The following ITGA7 variants were observed in gnomAD, a reference collection of about 807,000 sequenced individuals.
ITGA7 encodes integrin subunit alpha 7.
ITGA7 carries 84 observed loss-of-function variants against 131.6 expected under a neutral mutation model. The ratio of observed to expected loss-of-function variants is 0.64; its 90% CI spans 0.54 to 0.77. The LOEUF is 0.77. ITGA7 is among the 30% of genes least tolerant of loss of function. The pLI is 0.00. For missense variants in ITGA7, 1,399 were observed against 1,482.9 expected, an observed-to-expected ratio of 0.94 and a Z score of 0.93; for synonymous variants, 548 against 600.7, an observed-to-expected ratio of 0.91 and a Z score of 1.28.
intron 22 of ITGA7, among the ~76,000 whole-genome samples, chr12:55,688,558 C>G (rs145693300): frequency 3.5e-4 from 53 of 152,144 alleles, no homozygotes; most frequent in Middle Eastern, 3.4e-3. Flanking sequence ...AACCCCGTCT[C>G]TATGAAAAAT....
At chr12:55,716,178 G>T (rs375543154), upstream of ITGA7, 8 of 1,611,466 alleles carry the variant, frequency 5.0e-6, no homozygotes, top group Admixed American at 1.7e-5. Flanking sequence ...CAAGCAGAAT[G>T]AACGCAAGGA....
At chr12:55,687,486 G>A (rs1870457416) in intron 24 of ITGA7, among the ~76,000 whole-genome samples, 1 of 123,774 alleles carries the variant, frequency 8.1e-6, no homozygotes, top group Non-Finnish European at 1.6e-5. Flanking sequence ...ACCATGCCCG[G>A]CTTTTTTTTT....
At chr12:55,689,090 A>T (rs1291361454) in intron 21 of ITGA7, 133 bp from the exon 22 acceptor site, 1 of 682,142 alleles carries the variant, frequency 1.5e-6, no homozygotes, top group Non-Finnish European at 2.6e-6. Context: ...CTTATATCCA[A>T]AATAGCTGCC....
upstream of ITGA7, chr12:55,707,908 G>T: frequency 1.4e-6 from 2 of 1,392,922 alleles, no homozygotes; most frequent in Non-Finnish European, 1.8e-6. Context: ...CGCCCACTCC[G>T]GCTCCCGCCT....
At chr12:55,700,864 T>C (rs1156710073) in intron 4 of ITGA7, 35 bp downstream of exon 4, 4 of 1,614,078 alleles carry the variant, frequency 2.5e-6, no homozygotes, top group Non-Finnish European at 2.5e-6. Context: ...GAGGAGGTTT[T>C]GGTCCCCTTC....
chr12:55,694,900 T>C lies in ITGA7; in HGVS notation c.2074A>G (p.Thr692Ala), dbSNP rs1261899350. 6.2e-7 allele frequency: 1 copy of C among 1,613,992 alleles called. No individual in the cohort carries two copies. The highest frequency in any genetic ancestry group is 1.7e-5 in the Admixed American group (1 of 60,002). ...QPVIGLELMV[T>A]NLPSDPAQPQ... Reference sequence around the variant, plus strand: ...TGGGCTGGGTCCGATGGCAGGTTGGTGACCATCAGCTCCAGGCCAATGACT... The same window carrying C: ...TGGGCTGGGTCCGATGGCAGGTTGGCGACCATCAGCTCCAGGCCAATGACT... Residue 692 changes from threonine (T) to alanine (A), a missense_variant, in exon 15 of 25, where the codon ACC becomes GCC. By Grantham distance (58) the Thr-to-Ala change is moderately conservative (BLOSUM62 0). Coordinates refer to ENST00000257879, the MANE Select transcript of ITGA7 (RefSeq NM_002206.3). This position sits in a 1 kb window ranked among gnomAD's most constrained non-coding sequence, Gnocchi z 5.3.
chr12:55,696,295 G>T lies in ITGA7; in HGVS notation c.1875C>A (p.Thr625=). ...AACCCATGCTCACCTCTGCCCGCTG[G>T]GTGCTGGGCTGGTGGGCATTGAGGA... ...APILNAHQPS[T]QRAEIHFLKQ... Residue 625 remains threonine, a synonymous_variant, in exon 13 of 25, where the codon ACC becomes ACA. Coordinates refer to ENST00000257879, the MANE Select transcript of ITGA7 (RefSeq NM_002206.3). 1.3e-6 allele frequency: 2 copies of T among 1,575,964 alleles called. No homozygotes were observed. Among genetic ancestry groups the T allele is most frequent in the South Asian group, 1.2e-5 (1 of 86,282 alleles).
chr12:55,707,662 G>A lies in ITGA7; in HGVS notation c.21C>T (p.Arg7=). Residue 7 remains arginine, a synonymous_variant, in exon 1 of 25, where the codon CGC becomes CGT. Transcript: ENST00000257879. ...AAATCCCGGAGGCCCCCCAAGGGTC[G>A]CGGCTCCGAGCCCCGGCCATGGGAC... MAGARS[R]DPWGASGICY... 1 of 1,582,018 alleles carries A rather than the reference G, an allele frequency of 6.3e-7. No individual in the cohort carries two copies. Among genetic ancestry groups the A allele is most frequent in the Non-Finnish European group, 8.6e-7 (1 of 1,163,950 alleles).
chr12:55,690,615 T>G (rs1354726870), intron 21 of ITGA7, among the ~76,000 whole-genome samples: 4 of 148,202 alleles, frequency 2.7e-5, no homozygotes, highest in Admixed American at 2.1e-4. Context: ...AGCCATCCCA[T>G]TACTGGGTAT....
intron 10 of ITGA7, 61 bp from the exon 11 acceptor site, chr12:55,697,338 C>T (rs1872853525): frequency 6.3e-6 from 10 of 1,576,574 alleles, no homozygotes; most frequent in African/African-American, 1.3e-5. Context: ...CCCCTACCCC[C>T]ACCCCATCTG....
intron 9 of ITGA7, 55 bp from the exon 10 acceptor site, chr12:55,697,601 A>G (rs1483023960): frequency 6.2e-7 from 1 of 1,609,228 alleles, no homozygotes; most frequent in Non-Finnish European, 8.5e-7. Flanking sequence ...GCTGGGAAAC[A>G]CTCTTCAGCA....
chr12:55,702,118 T>C (rs1020364936), intron 3 of ITGA7, among the ~76,000 whole-genome samples: 6 of 151,928 alleles, frequency 3.9e-5, no homozygotes, highest in African/African-American at 1.5e-4. Context: ...CAGGTTCAAG[T>C]GATTCTCCTA....
Position 55,701,096 on chromosome 12 carries a change from T to C in ITGA7, c.473A>G (p.Asp158Gly). ...GAGCACAAAGCAGCGACCAATCATA[T>C]CCCGCGTCTCCAGGATCTGGTCCAC... ...QRVDQILETR[D>G]MIGRCFVLSQ... is the part of the protein sequence containing the mutation. Residue 158 changes from aspartate to glycine, a missense_variant, in exon 4 of 25, where the codon GAT (aspartate) becomes GGT (glycine). Coordinates refer to ENST00000257879, the MANE Select transcript of ITGA7 (RefSeq NM_002206.3). 6.2e-7 allele frequency: 1 copy of C among 1,614,154 alleles called. No individual in the cohort carries two copies. Among genetic ancestry groups the C allele is most frequent in the Non-Finnish European group, 8.5e-7 (1 of 1,180,020 alleles).
intron 3 of ITGA7, among the ~76,000 whole-genome samples, chr12:55,702,223 A>G (rs898342154): frequency 1.4e-5 from 2 of 145,066 alleles, no homozygotes; most frequent in Non-Finnish European, 3.0e-5. Flanking sequence ...TCTGTCACCC[A>G]GGCTGGAGCG....
intron 1 of ITGA7, among the ~76,000 whole-genome samples, chr12:55,703,831 C>T (rs948670223): frequency 6.6e-6 from 1 of 152,142 alleles, no homozygotes; most frequent in African/African-American, 2.4e-5. Context: ...TCCAATGCTA[C>T]CCCATTCTCT....
chr12:55,707,960 C>T, upstream of ITGA7: 1 of 1,318,966 alleles, frequency 7.6e-7, no homozygotes, highest in Non-Finnish European at 9.7e-7. Flanking sequence ...TCCGGCCCCG[C>T]CCCTCGCTCC....
chr12:55,686,717 G>A (rs1226489350), intron 24 of ITGA7, among the ~76,000 whole-genome samples: 1 of 152,182 alleles, frequency 6.6e-6, no homozygotes, highest in East Asian at 1.9e-4. Context: ...CTTTTACATT[G>A]AGCCCTGGAT....
upstream of ITGA7, among the ~76,000 whole-genome samples, chr12:55,714,379 G>A (rs1473313363): frequency 2.0e-5 from 3 of 151,570 alleles, no homozygotes; most frequent in Non-Finnish European, 4.4e-5. Context: ...TTAGCCGGGC[G>A]TAGTGGCGGG....
intron 24 of ITGA7, 116 bp from the exon 25 acceptor site, chr12:55,685,404 T>C (rs1869877338): frequency 2.2e-6 from 2 of 906,334 alleles, no homozygotes; most frequent in East Asian, 2.6e-5. Context: ...AGAAAGGAAA[T>C]AGGCTGAATA....
Sources: gnomAD v4.1 joint callset for allele counts (sites outside exome capture counted in the v4.1 genomes callset) on GRCh38, gnomAD v4.1.1 for gene constraint, Gnocchi (gnomAD v3.1) non-coding constraint, MANE v1.5 for transcripts, NCBI Gene and HGNC (gene_info 2026-07-23, HGNC 2026-07-21) for gene names.